The following NCAM1 variants were observed in gnomAD, a reference collection of about 807,000 sequenced individuals.
NCAM1 encodes the protein antigen recognized by monoclonal antibody 5.1H11.
NCAM1 carries 14 observed loss-of-function variants against 109.8 expected under a neutral mutation model. That is an observed-to-expected ratio of 0.13 (90% CI 0.08 to 0.20). The LOEUF (loss-of-function observed/expected upper bound fraction) is 0.20, where lower values mean the gene tolerates loss of function less well. Among genes scored for constraint, NCAM1 ranks in the 10% least tolerant of loss-of-function variants. NCAM1 has a pLI of 1.00. For missense variants in NCAM1, 774 were observed against 1,109.9 expected (o/e 0.70, Z 4.30); for synonymous variants, 418 against 442.9 (o/e 0.94, Z 0.70).
At chr11:113,242,327 A>G (rs1329949965) in intron 14 of NCAM1, among the ~76,000 whole-genome samples, 3 of 152,188 alleles carry the variant, frequency 2.0e-5, no homozygotes, top group East Asian at 3.9e-4. Flanking sequence ...TCTTTTAAAT[A>G]TGTATATTAA....
At chr11:113,262,783 A>C in intron 17 of NCAM1, 1 of 1,568,932 alleles carries the variant, frequency 6.4e-7, no homozygotes, top group Non-Finnish European at 8.7e-7. Context: ...GGACATCCCC[A>C]CTGCCACATT....
intron 14 of NCAM1, chr11:113,242,903 G>C: frequency 6.2e-7 from 1 of 1,612,672 alleles, no homozygotes; most frequent in African/African-American, 1.3e-5. Context: ...TTGTAGAGCC[G>C]ACTTCTAGAT....
intron 1 of NCAM1, among the ~76,000 whole-genome samples, chr11:113,120,660 C>T (rs1038440293): frequency 1.3e-5 from 2 of 152,108 alleles, no homozygotes; most frequent in Admixed American, 6.6e-5. Flanking sequence ...CTCCTTTCTC[C>T]TCATCATAAG....
At chr11:113,023,795 T>C (rs1952461797) in intron 1 of NCAM1, among the ~76,000 whole-genome samples, 1 of 152,060 alleles carries the variant, frequency 6.6e-6, no homozygotes, top group South Asian at 2.1e-4. Context: ...GACATTCTTT[T>C]AAAATAGCCT....
chr11:113,163,402 A>G (rs1942669817), intron 1 of NCAM1, among the ~76,000 whole-genome samples: 1 of 152,216 alleles, frequency 6.6e-6, no homozygotes, highest in Non-Finnish European at 1.5e-5. Flanking sequence ...TTCTTCACCC[A>G]GGGGAATAGG....
At chr11:113,073,734 G>A (rs1242265565) in intron 1 of NCAM1, among the ~76,000 whole-genome samples, 2 of 152,156 alleles carry the variant, frequency 1.3e-5, no homozygotes, top group African/African-American at 4.8e-5. Flanking sequence ...TAGAACACCC[G>A]AGTCAGCTGG....
intron 14 of NCAM1, among the ~76,000 whole-genome samples, chr11:113,238,677 G>C (rs538794468): frequency 2.6e-5 from 4 of 152,326 alleles, no homozygotes; most frequent in Non-Finnish European, 5.9e-5. Flanking sequence ...CCAACCACCA[G>C]TTTAGCTGTG....
rs141060886 is a variant in NCAM1, at chr11:113,007,372, C to T, written c.52+45708C>T. On this transcript the variant is annotated intron_variant, in intron 1 of 19. Coordinates refer to ENST00000316851, the MANE Select transcript of NCAM1 (RefSeq NM_181351.5). ...ACCATGTCTGGTCTGTCTATATTCT[C>T]AAATTGTTATCAAATAGTCTAAAAG... 1.4e-4 allele frequency among the ~76,000 whole-genome samples: 21 copies of T among 152,174 alleles called. No homozygotes were observed. The East Asian group carries it at 3.9e-3, about 28-fold the overall frequency.
intron 1 of NCAM1, among the ~76,000 whole-genome samples, chr11:113,124,548 A>G (rs1158176147): frequency 6.6e-6 from 1 of 152,174 alleles, no homozygotes; most frequent in African/African-American, 2.4e-5. Flanking sequence ...CAGTCACAAG[A>G]TATTTCTGAA....
At position 113,273,460 on chromosome 11, in the gene NCAM1, C is replaced by T. The variant is rs1002261832; in HGVS notation, c.2456+1584C>T. 4 of 335,230 alleles carry T rather than the reference C, an allele frequency of 1.2e-5. No homozygotes were observed. The highest frequency in any genetic ancestry group is 8.2e-5 in the East Asian group (1 of 12,142). The allele number at this position is 335,230 out of a possible 1,614,324, so 20.8% of individuals were successfully genotyped here. ...CAGGAGGCTCCCAGCACCAAAGGCC[C>T]GGACCCGGAGCCCACCCAGCCCGGA... is the stretch of plus-strand genomic sequence containing the variant. On this transcript the variant is annotated intron_variant, in intron 19 of 19. Transcript: ENST00000316851. This position sits in a 1 kb window ranked among gnomAD's most constrained non-coding sequence, Gnocchi z 6.0.
intron 1 of NCAM1, among the ~76,000 whole-genome samples, chr11:113,003,189 T>A (rs1184056262): frequency 2.0e-5 from 3 of 152,260 alleles, no homozygotes; most frequent in African/African-American, 4.8e-5. Context: ...CAGAGTCTCT[T>A]GTCCAGCGAT....
chr11:113,009,319 T>TGTTGTTGTTG (rs60538832), intron 1 of NCAM1, among the ~76,000 whole-genome samples: 22,971 of 92,420 alleles, frequency 0.25, 2,881 homozygotes, highest in African/African-American at 0.3. Flanking sequence ...CGGGTTTTTT[T>TGTTGTTGTTG]TTTTTTTTTT....
At chr11:113,093,260 G>T (rs1035803654) in intron 1 of NCAM1, among the ~76,000 whole-genome samples, 3 of 152,178 alleles carry the variant, frequency 2.0e-5, no homozygotes, top group South Asian at 2.1e-4. Flanking sequence ...CATGGAGCAG[G>T]ACATTTGATG....
In NCAM1 at chr11:113,268,104, C is replaced by T. The variant is rs2137740831; in HGVS notation, c.2132-2084C>T. Among the ~76,000 whole-genome samples, 3 of 152,294 alleles carry T rather than the reference C, an allele frequency of 2.0e-5. No individual in the cohort carries two copies. In the Middle Eastern group the frequency reaches 0.01, roughly 518 times the overall value. Reference sequence around the variant, plus strand: ...CATGGAATGGAGAGAAAACCCAAGGCTAAAGTTTCTTCCCTGTTCAGGGAA... The same window carrying T: ...CATGGAATGGAGAGAAAACCCAAGGTTAAAGTTTCTTCCCTGTTCAGGGAA... On this transcript the variant is annotated intron_variant, in intron 17 of 19. Coordinates refer to ENST00000316851, the MANE Select transcript of NCAM1 (RefSeq NM_181351.5).
intron 15 of NCAM1, among the ~76,000 whole-genome samples, chr11:113,253,750 T>TA (rs1945760857): frequency 6.6e-6 from 1 of 152,142 alleles, no homozygotes; most frequent in African/African-American, 2.4e-5. Context: ...ATGCTGCCTA[T>TA]AAAAATCCCC....
In NCAM1 at chr11:112,962,449, CGTGTGCGCGCGT is replaced by C. The variant is rs1219541123; in HGVS notation, c.52+790_52+801del. Among the ~76,000 whole-genome samples the C allele has an allele frequency of 6.6e-6, 1 of 151,722 alleles. No individual in the cohort carries two copies. The highest frequency in any genetic ancestry group is 2.0e-4 in the East Asian group (1 of 5,092). On this transcript the variant is annotated intron_variant, in intron 1 of 19. Transcript: ENST00000316851. The surrounding 1 kb of genome is among the most constrained non-coding windows in gnomAD (Gnocchi z 5.6). ...TGGGGCTGCCTGGTGTGTGCGCGCG[CGTGTGCGCGCGT>C]GTGTCTTTACACGCGCCGCGTGCCC...
chr11:112,963,143 C>A lies in NCAM1; in HGVS notation c.52+1479C>A, dbSNP rs1380280325. On this transcript the variant is annotated intron_variant, in intron 1 of 19. Coordinates refer to ENST00000316851, the MANE Select transcript of NCAM1 (RefSeq NM_181351.5). The surrounding 1 kb of genome is among the most constrained non-coding windows in gnomAD (Gnocchi z 4.6). Reference sequence around the variant, plus strand: ...GCCGCGAGAGGCTTTTATTGCGGCGCGGGTGGCGGCCAGGAGCTGCCAGGA... The same window carrying A: ...GCCGCGAGAGGCTTTTATTGCGGCGAGGGTGGCGGCCAGGAGCTGCCAGGA... 1 of 152,560 alleles carries A rather than the reference C, an allele frequency of 6.6e-6. No individual in the cohort carries two copies. The highest frequency in any genetic ancestry group is 1.5e-5 in the Non-Finnish European group (1 of 68,336). The allele number at this position is 152,560 out of a possible 1,614,324, so 9.5% of individuals were successfully genotyped here.
At chr11:113,027,626 A>C (rs1444842674) in intron 1 of NCAM1, among the ~76,000 whole-genome samples, 2 of 152,340 alleles carry the variant, frequency 1.3e-5, no homozygotes, top group South Asian at 2.1e-4. Flanking sequence ...TTCTTTCGGC[A>C]TTTAATAATT....
chr11:112,981,137 A>G (rs1162065794), intron 1 of NCAM1, among the ~76,000 whole-genome samples: 3 of 151,800 alleles, frequency 2.0e-5, no homozygotes, highest in African/African-American at 4.8e-5. Flanking sequence ...TGTTGTATGC[A>G]TTGATTGTCA....
Sources: gnomAD v4.1 joint callset for allele counts (sites outside exome capture counted in the v4.1 genomes callset) on GRCh38, gnomAD v4.1.1 for gene constraint, Gnocchi (gnomAD v3.1) non-coding constraint, MANE v1.5 for transcripts, NCBI Gene and HGNC (gene_info 2026-07-23, HGNC 2026-07-21) for gene names.